Variants in GALNT2 observed in about 807,000 individuals in gnomAD.
GALNT2 encodes polypeptide N-acetylgalactosaminyltransferase 2, also known as UDP-GalNAc:polypeptide N-acetylgalactosaminyltransferase 2.
GALNT2 carries 31 observed loss-of-function variants against 81.4 expected under a neutral mutation model. The observed-to-expected ratio is 0.38, with a 90% CI of 0.29 to 0.51. GALNT2 has a LOEUF of 0.51. Ranked by LOEUF, GALNT2 falls within the 20% of genes least tolerant of loss-of-function variation. The probability of loss-of-function intolerance (pLI) is 0.87; values close to 1 mark genes in which losing one functional copy is unlikely to be tolerated. For synonymous variants in GALNT2, 303 were observed against 287.4 expected (o/e 1.05, Z -0.55); for missense variants, 629 against 765.7 (o/e 0.82, Z 2.11).
intron 1 of GALNT2, among the ~76,000 whole-genome samples, chr1:230,109,853 C>T (rs1255174296): frequency 6.6e-6 from 1 of 151,880 alleles, no homozygotes; most frequent in Admixed American, 6.6e-5. Flanking sequence ...AAAGAAGGAA[C>T]ACTGTTAGGG....
In GALNT2 at chr1:230,228,607, G is replaced by A. The variant is rs577802560; in HGVS notation, c.375-7407G>A. On this transcript the variant is annotated intron_variant, in intron 3 of 15. Transcript: ENST00000366672. ...CTCCTTCATCTATATATGAAGGATA[G>A]CATGGAACTTGTCTACATCCATTTC... is the stretch of plus-strand genomic sequence containing the variant. Among the ~76,000 whole-genome samples the A allele has an allele frequency of 1.9e-3, 295 of 152,170 alleles. 1 individual carries two copies. The highest frequency in any genetic ancestry group is 6.9e-3 in the African/African-American group (285 of 41,540).
At chr1:230,110,714 G>GTGTGT (rs1553257212) in intron 1 of GALNT2, among the ~76,000 whole-genome samples, 1 of 137,658 alleles carries the variant, frequency 7.3e-6, no homozygotes, top group Non-Finnish European at 1.6e-5. Context: ...GTGCTTTTCT[G>GTGTGT]TTTTTTTTTT....
At chr1:230,124,033 G>A (rs949836143) in intron 1 of GALNT2, among the ~76,000 whole-genome samples, 5 of 152,206 alleles carry the variant, frequency 3.3e-5, no homozygotes, top group South Asian at 2.1e-4. Context: ...GGATAGTGAC[G>A]TGAGGATGAC....
At chr1:230,067,031 G>C (rs1659205388), upstream of GALNT2, among the ~76,000 whole-genome samples, 2 of 148,208 alleles carry the variant, frequency 1.3e-5, no homozygotes, top group Non-Finnish European at 3.0e-5. Flanking sequence ...GTCGCCCTTT[G>C]CTCCCTGACC....
intron 1 of GALNT2, among the ~76,000 whole-genome samples, chr1:230,141,097 A>G (rs1404177615): frequency 2.0e-5 from 3 of 152,222 alleles, no homozygotes; most frequent in Non-Finnish European, 4.4e-5. Flanking sequence ...TGTTTCTTCA[A>G]GGGGAATGTG....
intron 1 of GALNT2, among the ~76,000 whole-genome samples, chr1:230,081,768 T>C (rs1332952199): frequency 6.6e-5 from 10 of 152,208 alleles, no homozygotes; most frequent in Non-Finnish European, 1.3e-4. Context: ...GAATGACCTG[T>C]GTGAAAACCC....
intron 11 of GALNT2, chr1:230,262,372 C>A (rs948463431): frequency 7.8e-5 from 43 of 552,552 alleles, no homozygotes; most frequent in Non-Finnish European, 1.1e-4. Context: ...TCAGTAAGCA[C>A]CCGCTGAGGC....
intron 1 of GALNT2, among the ~76,000 whole-genome samples, chr1:230,062,004 T>G (rs1659060377): frequency 6.6e-6 from 1 of 152,248 alleles, no homozygotes; most frequent in Non-Finnish European, 1.5e-5. Context: ...ATCCTGGATA[T>G]TACGCTATAT....
At position 230,274,702 on chromosome 1, in the gene GALNT2, A is replaced by G. The variant is rs553051332; in HGVS notation, c.1560+138A>G. 8.7e-6 allele frequency: 9 copies of G among 1,032,284 alleles called. No individual in the cohort carries two copies. In the East Asian group the frequency reaches 2.0e-4, roughly 23 times the overall value. 63.9% of individuals were successfully genotyped at this position (1,032,284 alleles called of 1,614,324 possible). A position where few individuals can be genotyped will look rare whatever the true frequency, so the allele number is the denominator to read the frequency against. ...TATGTGTTCTTTTGCATCACTGTGA[A>G]TAATGTCTAGCTGCCCTATTAGACT... On this transcript the variant is annotated intron_variant, in intron 15 of 15. Coordinates refer to ENST00000366672, the MANE Select transcript of GALNT2 (RefSeq NM_004481.5).
intron 1 of GALNT2, among the ~76,000 whole-genome samples, chr1:230,158,243 T>TG (rs894490771): frequency 6.6e-6 from 1 of 151,690 alleles, no homozygotes; most frequent in Admixed American, 6.6e-5. Flanking sequence ...ATGAGTAGCG[T>TG]GGGGAGATGA....
chr1:230,276,609 T>C (rs934808912), intron 15 of GALNT2, among the ~76,000 whole-genome samples: 11 of 152,204 alleles, frequency 7.2e-5, no homozygotes, highest in Non-Finnish European at 1.5e-4. Flanking sequence ...CTCTTTCACC[T>C]GTCTGTCTCC....
chr1:230,104,718 G>A (rs1660489966), intron 1 of GALNT2, among the ~76,000 whole-genome samples: 1 of 152,228 alleles, frequency 6.6e-6, no homozygotes, highest in Non-Finnish European at 1.5e-5. Flanking sequence ...GGAGGTAGGA[G>A]GGCGATCCCG....
intron 1 of GALNT2, among the ~76,000 whole-genome samples, chr1:230,103,228 G>A (rs1660450977): frequency 6.6e-6 from 1 of 152,226 alleles, no homozygotes; most frequent in South Asian, 2.1e-4. Flanking sequence ...ATTTCAAGGA[G>A]TCAGTCCAAA....
chr1:230,196,717 C>G (rs1445396191), intron 2 of GALNT2, among the ~76,000 whole-genome samples: 1 of 152,150 alleles, frequency 6.6e-6, no homozygotes, highest in Admixed American at 6.5e-5. Context: ...TCTCCTCATC[C>G]CATCCCCACT....
chr1:230,234,084 T>C (rs1044493595), intron 3 of GALNT2, among the ~76,000 whole-genome samples: 17 of 152,186 alleles, frequency 1.1e-4, no homozygotes, highest in African/African-American at 4.1e-4. Flanking sequence ...ATTGAAAGAA[T>C]ACGTGAAAAG....
intron 1 of GALNT2, chr1:230,092,175 A>AGTTTTTTTTT (rs749253634): frequency 1.4e-4 from 3 of 20,750 alleles, no homozygotes; most frequent in African/African-American, 5.2e-4. Context: ...ATATTCCTTT[A>AGTTTTTTTTT]GTTTTTTTTT....
intron 1 of GALNT2, among the ~76,000 whole-genome samples, chr1:230,094,844 G>A (rs1018846303): frequency 2.0e-5 from 3 of 152,090 alleles, no homozygotes; most frequent in African/African-American, 7.2e-5. Flanking sequence ...CTTCCCACAC[G>A]TCTGCAAAGA....
chr1:230,257,325 T>A lies in GALNT2; in HGVS notation c.1136+1981T>A, dbSNP rs1027690319. Among the ~76,000 whole-genome samples, 2 of 152,166 alleles carry A rather than the reference T, an allele frequency of 1.3e-5. No individual in the cohort carries two copies. Among genetic ancestry groups the A allele is most frequent in the Non-Finnish European group, 2.9e-5 (2 of 68,026 alleles). On this transcript the variant is annotated intron_variant, in intron 11 of 15. Transcript: ENST00000366672. This position sits in a 1 kb window ranked among gnomAD's most constrained non-coding sequence, Gnocchi z 4.6. ...CCACTCTTGGAGCCAGAAGCAAGGG[T>A]CCTGTGAGCACTGTTGCAGTAGCCC...
At chr1:230,178,699 C>A (rs961124436) in intron 2 of GALNT2, among the ~76,000 whole-genome samples, 1 of 151,726 alleles carries the variant, frequency 6.6e-6, no homozygotes, top group African/African-American at 2.4e-5. Flanking sequence ...ACACATACAA[C>A]CTCCTCCATT....
Sources: gnomAD v4.1 joint callset for allele counts (sites outside exome capture counted in the v4.1 genomes callset) on GRCh38, gnomAD v4.1.1 for gene constraint, Gnocchi (gnomAD v3.1) non-coding constraint, MANE v1.5 for transcripts, NCBI Gene and HGNC (gene_info 2026-07-23, HGNC 2026-07-21) for gene names.